COL17A1: variants seen among roughly 807,000 people sequenced by gnomAD.
COL17A1 encodes the protein collagen type XVII alpha 1 chain, also known as collagen alpha-1(XVII) chain.
COL17A1 carries 181 observed loss-of-function variants against 218.4 expected under a neutral mutation model. That is an observed-to-expected ratio of 0.83 (90% CI 0.73 to 0.94). The LOEUF (loss-of-function observed/expected upper bound fraction) is 0.94, where lower values mean the gene tolerates loss of function less well. Ranked by LOEUF, COL17A1 falls within the 40% of genes least tolerant of loss-of-function variation. The pLI, the probability that COL17A1 is intolerant of heterozygous loss-of-function variation, is 0.00. For synonymous variants in COL17A1, 721 were observed against 731.0 expected (o/e 0.99, Z 0.22); for missense variants, 1,924 against 1,945.9 (o/e 0.99, Z 0.21).
At chr10:104,076,215 G>C in intron 5 of COL17A1, 86 bp downstream of exon 5, 5 of 1,603,090 alleles carry the variant, frequency 3.1e-6, no homozygotes, top group Non-Finnish European at 4.3e-6. Context: ...GGCAGACACA[G>C]GTGGCCAGCA....
In COL17A1 at chr10:104,060,144, T is replaced by C. The variant is rs2134627388; in HGVS notation, c.1116A>G (p.Thr372=). Residue 372 remains threonine, a synonymous_variant, in exon 14 of 56, where the codon ACA becomes ACG. Coordinates refer to ENST00000648076, the MANE Select transcript of COL17A1 (RefSeq NM_000494.4). ...IMTKDSGKVF[T]ASPASIAATS... ...TTGCAGCGATGCTGGCAGGGGAGGC[T>C]GTAAAGACCTTCCCGCTGTCCTTGG... 3.1e-6 allele frequency: 5 copies of C among 1,614,118 alleles called. No individual in the cohort carries two copies. Among genetic ancestry groups the C allele is most frequent in the Non-Finnish European group, 4.2e-6 (5 of 1,180,028 alleles).
intron 5 of COL17A1, among the ~76,000 whole-genome samples, chr10:104,075,613 C>T (rs2086702796): frequency 6.6e-6 from 1 of 152,228 alleles, no homozygotes; most frequent in East Asian, 1.9e-4. Flanking sequence ...TCCAGAGTTC[C>T]AGTCCTGGAC....
Position 104,034,711 on chromosome 10 carries a change from G to T in COL17A1, c.3676C>A (p.Arg1226=). Residue 1226 remains arginine, a synonymous_variant, in exon 51 of 56, where the codon CGA becomes AGA. Transcript: ENST00000648076. ...PPGPPGPPGP[R]GPPGVSGALA... ...GCTCCTGAGACACCCGGGGGCCCTC[G>T]AGGCCCTGGGGGACCAGGAGGTCCT... is the stretch of plus-strand genomic sequence containing the variant. 6.2e-7 allele frequency: 1 copy of T among 1,611,480 alleles called. No homozygotes were observed. Among genetic ancestry groups the T allele is most frequent in the Non-Finnish European group, 8.5e-7 (1 of 1,179,248 alleles).
At chr10:104,037,138 A>G in intron 46 of COL17A1, 25 bp from the exon 47 acceptor site, 1 of 1,588,056 alleles carries the variant, frequency 6.3e-7, no homozygotes, top group South Asian at 1.2e-5. Context: ...ACCTCAGGTT[A>G]CCTGCTTAGC....
At chr10:104,039,766 C>CCACACA (rs60283710) in intron 41 of COL17A1, 126 bp from the exon 42 acceptor site, 30 of 972,082 alleles carry the variant, frequency 3.1e-5, no homozygotes, top group East Asian at 1.6e-4. Context: ...CCTAGAGATG[C>CCACACA]CACACACACA....
In COL17A1 at chr10:104,031,809, A is replaced by C; in HGVS notation, c.*426T>G. 3.8e-6 allele frequency: 1 copy of C among 261,986 alleles called. No individual in the cohort carries two copies. Among genetic ancestry groups the C allele is most frequent in the African/African-American group, 2.2e-5 (1 of 45,524 alleles). The allele number at this position is 261,986 out of a possible 1,614,324, so 16.2% of individuals were successfully genotyped here. A position where few individuals can be genotyped will look rare whatever the true frequency, so the allele number is the denominator to read the frequency against. ...ACAGCCTTAGAACAGTAACCAGAAC[A>C]CACCCCCATCAAGTGTCACCTCCAG... On this transcript the variant is annotated 3_prime_UTR_variant, in exon 56 of 56. Transcript: ENST00000648076.
chr10:104,036,089 A>AGTGTGTATGGGAGTGTATGG (rs2086290195), intron 48 of COL17A1, among the ~76,000 whole-genome samples: 1 of 1,514 alleles, frequency 6.6e-4, no homozygotes, highest in Non-Finnish European at 1.4e-3. Flanking sequence ...TGTGTATGGG[A>AGTGTGTATGGGAGTGTATGG]GTGTGTGTGT....
intron 3 of COL17A1, 132 bp downstream of exon 3, chr10:104,078,410 T>C: frequency 8.7e-7 from 1 of 1,148,648 alleles, no homozygotes; most frequent in South Asian, 1.3e-5. Flanking sequence ...AATTCTGTTG[T>C]ATAGAAATTA....
In COL17A1 at chr10:104,051,522, A is replaced by G. The variant is rs1164135963; in HGVS notation, c.2003-6T>C. 1 of 1,614,014 alleles carries G rather than the reference A, an allele frequency of 6.2e-7. No individual in the cohort carries two copies. The highest frequency in any genetic ancestry group is 8.5e-7 in the Non-Finnish European group (1 of 1,180,028). ...GCCAGGAGAGCCGCTGGAACCTGAG[A>G]AGGAGGACAAGACAGCAATCAGCAG... On this transcript the variant is annotated splice_region_variant and splice_polypyrimidine_tract_variant and intron_variant, in intron 24 of 55. Coordinates refer to ENST00000648076, the MANE Select transcript of COL17A1 (RefSeq NM_000494.4).
At position 104,037,713 on chromosome 10, in the gene COL17A1, G is replaced by A; in HGVS notation, c.3131C>T (p.Pro1044Leu). 6.2e-7 allele frequency: 1 copy of A among 1,614,124 alleles called. No homozygotes were observed. The change falls in exon 46 of 56, where the codon CCA (proline) becomes CTA (leucine). Residue 1044 changes from proline to leucine, a missense_variant. By Grantham distance (98) the Pro-to-Leu change is moderately conservative. Transcript: ENST00000648076. ...VQGPPGPPGP[P>L]GPVTTITGET... ...GCCTGTGATGGTGGTGACAGGTCCT[G>A]GGGGACCAGGTGGGCCTGGGGGACC...
chr10:104,058,107 C>A (rs769235864), intron 16 of COL17A1, 39 bp downstream of exon 16: 1 of 1,613,708 alleles, frequency 6.2e-7, no homozygotes, highest in South Asian at 1.1e-5. Context: ...AGCAGCCCCA[C>A]TGGATCCTGT....
intron 25 of COL17A1, 51 bp from the exon 26 acceptor site, chr10:104,050,952 A>G (rs2086463575): frequency 6.3e-7 from 1 of 1,589,976 alleles, no homozygotes; most frequent in Non-Finnish European, 8.6e-7. Flanking sequence ...TAGCTTTGGA[A>G]TGATGAGACA....
At chr10:104,051,552 G>C in intron 24 of COL17A1, 36 bp from the exon 25 acceptor site, 1 of 1,613,564 alleles carries the variant, frequency 6.2e-7, no homozygotes, top group Non-Finnish European at 8.5e-7. Context: ...CAGCAGAGGG[G>C]CAGATACAGG....
At chr10:104,055,707 A>T in intron 18 of COL17A1, 75 bp downstream of exon 18, 3 of 1,581,412 alleles carry the variant, frequency 1.9e-6, no homozygotes, top group Admixed American at 3.4e-5. Flanking sequence ...CTCACAGCAC[A>T]TGCACACATA....
rs2086549115 is a variant in COL17A1, at chr10:104,058,153, G to A, written c.1260C>T (p.Thr420=). The change falls in exon 16 of 56, where the codon ACC becomes ACT. Residue 420 remains threonine (T), a synonymous_variant. Transcript: ENST00000648076. ...LKTVSTKGKT[T]TADIHSYGSS... is the part of the protein sequence containing the mutation. The stretch of plus-strand genomic sequence containing the variant: ...TTCGCGGTTCTCACCCACCTGCAGT[G>A]GTGGTCTTGCCCTTTGTGGACACAG... 1.2e-6 allele frequency: 2 copies of A among 1,614,172 alleles called. No individual in the cohort carries two copies. The highest frequency in any genetic ancestry group is 1.7e-4 in the Middle Eastern group (1 of 6,054).
At chr10:104,037,378 T>C (rs962179524) in intron 46 of COL17A1, among the ~76,000 whole-genome samples, 1 of 151,422 alleles carries the variant, frequency 6.6e-6, no homozygotes, top group Non-Finnish European at 1.5e-5. Flanking sequence ...CATGCACAGG[T>C]GGGAAGAACC....
chr10:104,040,741 G>T (rs937841851), intron 39 of COL17A1, among the ~76,000 whole-genome samples: 13 of 152,110 alleles, frequency 8.5e-5, no homozygotes, highest in African/African-American at 2.7e-4. Context: ...TTGTACGGTC[G>T]GCACTTACTT....
intron 50 of COL17A1, 132 bp downstream of exon 50, chr10:104,035,131 G>A (rs1008875655): frequency 1.2e-5 from 10 of 815,412 alleles, no homozygotes; most frequent in Non-Finnish European, 1.8e-5. Context: ...CACATGTGGC[G>A]CTCTCCAGGG....
chr10:104,043,647 G>A lies in COL17A1; in HGVS notation c.2435-66C>T. 8 of 1,579,976 alleles carry A rather than the reference G, an allele frequency of 5.1e-6. No individual in the cohort carries two copies. The South Asian group carries it at 7.8e-5, about 15-fold the overall frequency. ...CTCACTCAGAGGCGCTGGGACCCAA[G>A]CCAGGTTGTGGTGGGCAGCCTGGCA... On this transcript the variant is annotated intron_variant, in intron 34 of 55. Transcript: ENST00000648076.
Sources: gnomAD v4.1 joint callset for allele counts (sites outside exome capture counted in the v4.1 genomes callset) on GRCh38, gnomAD v4.1.1 for gene constraint, MANE v1.5 for transcripts, NCBI Gene and HGNC (gene_info 2026-07-23, HGNC 2026-07-21) for gene names.